The following FBXL7 variants were observed in gnomAD, a reference collection of about 807,000 sequenced individuals.
The protein encoded by FBXL7 is F-box and leucine rich repeat protein 7, also known as F-box/LRR-repeat protein 7.
A neutral mutation model predicts 38.3 loss-of-function variants in FBXL7; 12 were observed. The observed-to-expected ratio is 0.31, with a 90% confidence interval of 0.20 to 0.51. FBXL7 has a LOEUF of 0.51. FBXL7 is among the 20% of genes least tolerant of loss of function. The pLI is 0.98. For synonymous variants in FBXL7, 297 were observed against 300.9 expected (o/e 0.99, Z 0.13); for missense variants, 567 against 676.4 (o/e 0.84, Z 1.79).
intron 2 of FBXL7, among the ~76,000 whole-genome samples, chr5:15,641,996 T>A (rs2126557470): frequency 6.6e-6 from 1 of 151,618 alleles, no homozygotes; most frequent in East Asian, 1.9e-4. Flanking sequence ...TCCTATTGGT[T>A]CTATTTCTCT....
At chr5:15,917,272 T>C (rs190285792) in intron 2 of FBXL7, among the ~76,000 whole-genome samples, 1 of 152,306 alleles carries the variant, frequency 6.6e-6, no homozygotes, top group East Asian at 1.9e-4. Context: ...ATTTAAAAGC[T>C]GAATATTATA....
chr5:15,791,219 T>G (rs1737269439), intron 2 of FBXL7, among the ~76,000 whole-genome samples: 2 of 152,218 alleles, frequency 1.3e-5, no homozygotes, highest in African/African-American at 4.8e-5. Context: ...TAGTAGGTAT[T>G]CTATACATGG....
chr5:15,506,595 A>C (rs1251216549), intron 1 of FBXL7, among the ~76,000 whole-genome samples: 2 of 152,070 alleles, frequency 1.3e-5, no homozygotes, highest in African/African-American at 4.8e-5. Context: ...TGTTTCTTAC[A>C]GTTCTAGAGG....
chr5:15,641,978 TG>T (rs1741381784), intron 2 of FBXL7, among the ~76,000 whole-genome samples: 3 of 147,640 alleles, frequency 2.0e-5, no homozygotes, highest in Non-Finnish European at 4.5e-5. Flanking sequence ...TGTGTGTGTG[TG>T]TGTGTGTCCT....
intron 2 of FBXL7, among the ~76,000 whole-genome samples, chr5:15,727,901 C>T (rs1735453795): frequency 1.3e-5 from 2 of 152,074 alleles, no homozygotes; most frequent in Non-Finnish European, 2.9e-5. Flanking sequence ...GATCTGGTTA[C>T]TTCCATCGTT....
intron 2 of FBXL7, among the ~76,000 whole-genome samples, chr5:15,657,454 T>C (rs1251769123): frequency 6.6e-6 from 1 of 152,232 alleles, no homozygotes; most frequent in African/African-American, 2.4e-5. Flanking sequence ...ATATAATTAA[T>C]GAGGCCATTA....
intron 2 of FBXL7, among the ~76,000 whole-genome samples, chr5:15,745,501 G>A (rs918619756): frequency 2.0e-5 from 3 of 152,160 alleles, no homozygotes; most frequent in African/African-American, 7.2e-5. Flanking sequence ...ATATTATGGT[G>A]TTAATTAGTT....
intron 2 of FBXL7, among the ~76,000 whole-genome samples, chr5:15,855,349 G>C (rs1296446849): frequency 6.6e-6 from 1 of 151,918 alleles, no homozygotes; most frequent in Non-Finnish European, 1.5e-5. Flanking sequence ...ACGTTTTTCT[G>C]CATATATATA....
intron 2 of FBXL7, among the ~76,000 whole-genome samples, chr5:15,721,331 T>A (rs1434158226): frequency 6.6e-6 from 1 of 152,114 alleles, no homozygotes; most frequent in African/African-American, 2.4e-5. Flanking sequence ...TCTGTGAGTA[T>A]TACATCCATG....
chr5:15,762,410 A>G (rs1736472966), intron 2 of FBXL7, among the ~76,000 whole-genome samples: 1 of 152,186 alleles, frequency 6.6e-6, no homozygotes, highest in African/African-American at 2.4e-5. Flanking sequence ...AGCAGGATGA[A>G]GGGATCACTA....
intron 2 of FBXL7, among the ~76,000 whole-genome samples, chr5:15,621,688 C>T (rs1047087566): frequency 1.3e-5 from 2 of 152,154 alleles, no homozygotes; most frequent in Admixed American, 1.3e-4. Context: ...GCAAAACTGT[C>T]AGTTTAAAGG....
At chr5:15,709,337 C>A (rs959194115) in intron 2 of FBXL7, among the ~76,000 whole-genome samples, 1 of 151,986 alleles carries the variant, frequency 6.6e-6, no homozygotes, top group Admixed American at 6.6e-5. Context: ...AGTTTGAGAC[C>A]AGCCTGGCCA....
At chr5:15,555,361 G>C (rs1561025681) in intron 1 of FBXL7, among the ~76,000 whole-genome samples, 1 of 152,170 alleles carries the variant, frequency 6.6e-6, no homozygotes, top group Non-Finnish European at 1.5e-5. Context: ...TAATAGTGTG[G>C]GTGTGTGGGA....
At chr5:15,847,842 G>A (rs1738959478) in intron 2 of FBXL7, among the ~76,000 whole-genome samples, 1 of 152,122 alleles carries the variant, frequency 6.6e-6, no homozygotes, top group Non-Finnish European at 1.5e-5. Context: ...GAGCCTCTTG[G>A]AGCAGAGAGC....
chr5:15,659,212 A>T (rs568668842), intron 2 of FBXL7, among the ~76,000 whole-genome samples: 1 of 152,336 alleles, frequency 6.6e-6, no homozygotes, highest in South Asian at 2.1e-4. Flanking sequence ...TTATAATCCA[A>T]ATAACAAACA....
In FBXL7 at chr5:15,620,504, C is replaced by T. The variant is rs532510132; in HGVS notation, c.127+4432C>T. ...ACCTTAGGTGATTCACCCGCCTCGG[C>T]CTCCTAAAGTGCTGTTATTACAGGC... On this transcript the variant is annotated intron_variant, in intron 2 of 3. Coordinates refer to ENST00000504595, the MANE Select transcript of FBXL7 (RefSeq NM_012304.5). Among the ~76,000 whole-genome samples the T allele has an allele frequency of 2.6e-5, 4 of 151,972 alleles. No individual in the cohort carries two copies. In the South Asian group the frequency reaches 8.3e-4, roughly 32 times the overall value.
At chr5:15,818,322 T>C (rs1738075068) in intron 2 of FBXL7, among the ~76,000 whole-genome samples, 1 of 152,098 alleles carries the variant, frequency 6.6e-6, no homozygotes, top group Admixed American at 6.6e-5. Context: ...CTATGAGACA[T>C]TAAAACAGAA....
At chr5:15,625,712 A>G (rs1038152209) in intron 2 of FBXL7, among the ~76,000 whole-genome samples, 1 of 152,128 alleles carries the variant, frequency 6.6e-6, no homozygotes, top group African/African-American at 2.4e-5. Flanking sequence ...ACTAAAACCC[A>G]ACTGAGCCAT....
chr5:15,537,097 A>C (rs1036645457), intron 1 of FBXL7, among the ~76,000 whole-genome samples: 2 of 152,138 alleles, frequency 1.3e-5, no homozygotes, highest in Non-Finnish European at 2.9e-5. Context: ...CCATCATGAG[A>C]AGTTTCCTGA....
Sources: allele counts gnomAD v4.1 joint callset (sites outside exome capture counted in the v4.1 genomes callset), GRCh38; gene constraint gnomAD v4.1.1; transcripts MANE v1.5; gene names NCBI Gene and HGNC (gene_info 2026-07-23, HGNC 2026-07-21).